ATP8B4: variants seen among roughly 807,000 people sequenced by gnomAD.
ATP8B4 encodes ATPase phospholipid transporting 8B4 (putative), also known as probable phospholipid-transporting ATPase IM.
ATP8B4 carries 133 observed loss-of-function variants against 145.6 expected under a neutral mutation model. That is an observed-to-expected ratio of 0.91 (90% CI 0.79 to 1.05). ATP8B4 has a LOEUF of 1.05. ATP8B4 is among the 50% of genes least tolerant of loss of function. ATP8B4 has a pLI of 0.00. For synonymous variants in ATP8B4, 507 were observed against 492.9 expected (o/e 1.03, Z -0.38); for missense variants, 1,458 against 1,425.2 (o/e 1.02, Z -0.37).
chr15:50,090,880 A>C (rs918965267), intron 2 of ATP8B4, among the ~76,000 whole-genome samples: 16 of 152,060 alleles, frequency 1.1e-4, no homozygotes, highest in African/African-American at 3.9e-4. Context: ...GAGCCACCTC[A>C]CTTGGCCTGA....
rs187849305 is a variant in ATP8B4, at chr15:49,920,034, C to T, written c.1923+212G>A. Among the ~76,000 whole-genome samples, 374 of 152,318 alleles carry T rather than the reference C, an allele frequency of 2.5e-3. 1 individual carries two copies. The highest frequency in any genetic ancestry group is 8.7e-3 in the African/African-American group (361 of 41,576). ...TCTACTCTTGGGAAGCTTCCAATTG[C>T]ATAAGCTACTGCTAATAGAAATACA... On this transcript the variant is annotated intron_variant, in intron 18 of 27. Coordinates refer to ENST00000284509, the MANE Select transcript of ATP8B4 (RefSeq NM_024837.4).
intron 9 of ATP8B4, among the ~76,000 whole-genome samples, chr15:49,988,402 A>G (rs1050013045): frequency 3.9e-5 from 6 of 152,152 alleles, no homozygotes; most frequent in African/African-American, 1.4e-4. Flanking sequence ...AATTTTTTAT[A>G]TATAATGAGT....
intron 1 of ATP8B4, among the ~76,000 whole-genome samples, chr15:50,169,114 A>G (rs2044634374): frequency 6.6e-6 from 1 of 152,120 alleles, no homozygotes; most frequent in Non-Finnish European, 1.5e-5. Flanking sequence ...GTGGAAGAAA[A>G]ACGGCCTATA....
intron 1 of ATP8B4, among the ~76,000 whole-genome samples, chr15:50,112,276 T>A (rs575715283): frequency 6.6e-6 from 1 of 152,190 alleles, no homozygotes; most frequent in South Asian, 2.1e-4. Flanking sequence ...GCAGCCCCCC[T>A]TGCTGGCCCA....
chr15:49,910,753 T>C (rs2039144388), intron 20 of ATP8B4, among the ~76,000 whole-genome samples: 1 of 152,154 alleles, frequency 6.6e-6, no homozygotes, highest in African/African-American at 2.4e-5. Flanking sequence ...AGCAAAGTTA[T>C]CCTTTTTGGA....
chr15:50,047,631 T>G (rs1377405110), intron 3 of ATP8B4, among the ~76,000 whole-genome samples, 167 bp from the exon 4 acceptor site: 2 of 152,022 alleles, frequency 1.3e-5, no homozygotes, highest in African/African-American at 4.8e-5. Context: ...GATGATATGC[T>G]CCTGATACTA....
chr15:50,042,305 A>G (rs891533774), intron 5 of ATP8B4, among the ~76,000 whole-genome samples: 1 of 152,180 alleles, frequency 6.6e-6, no homozygotes, highest in African/African-American at 2.4e-5. Context: ...ATTTGTGTGT[A>G]TGTGTGCTCT....
intron 13 of ATP8B4, among the ~76,000 whole-genome samples, chr15:49,972,052 C>T (rs1289239125): frequency 7.9e-5 from 12 of 152,250 alleles, no homozygotes; most frequent in Admixed American, 3.3e-4. Flanking sequence ...TATTCTCACT[C>T]GTAAGTGGGA....
intron 2 of ATP8B4, among the ~76,000 whole-genome samples, chr15:50,079,629 A>C (rs2054412944): frequency 6.6e-6 from 1 of 152,212 alleles, no homozygotes; most frequent in South Asian, 2.1e-4. Flanking sequence ...AGAACATAAA[A>C]TAAGGTTTTT....
intron 21 of ATP8B4, among the ~76,000 whole-genome samples, chr15:49,899,011 C>T (rs2037733427): frequency 6.6e-6 from 1 of 152,040 alleles, no homozygotes; most frequent in East Asian, 1.9e-4. Flanking sequence ...GAAACAAATC[C>T]ACTTACACTT....
chr15:49,866,464 G>A lies in ATP8B4; in HGVS notation c.3048C>T (p.Tyr1016=). The A allele has an allele frequency of 6.8e-6, 11 of 1,613,766 alleles. No individual in the cohort carries two copies. Among genetic ancestry groups the A allele is most frequent in the Non-Finnish European group, 8.5e-6 (10 of 1,179,662 alleles). ...VSVQIALDTS[Y]WTFINHVFIW... ...TGAAGACGTGATTAATGAAAGTCCA[G>A]TAACTGGTATCCAAGGCTATCTGTA... Residue 1016 remains tyrosine (Y), a synonymous_variant, in exon 26 of 28, where the codon TAC becomes TAT. Transcript: ENST00000284509.
intron 26 of ATP8B4, 82 bp from the exon 27 acceptor site, chr15:49,862,457 A>T: frequency 6.9e-7 from 1 of 1,445,204 alleles, no homozygotes; most frequent in Non-Finnish European, 9.3e-7. Context: ...TTCCTACAAG[A>T]TCTTTTTTTT....
At chr15:50,031,967 G>T (rs904085060) in intron 6 of ATP8B4, among the ~76,000 whole-genome samples, 1 of 152,114 alleles carries the variant, frequency 6.6e-6, no homozygotes, top group Non-Finnish European at 1.5e-5. Context: ...TATTCAAATT[G>T]TTTTAAATTG....
intron 6 of ATP8B4, among the ~76,000 whole-genome samples, chr15:50,029,010 G>A (rs1055493324): frequency 4.0e-5 from 6 of 151,898 alleles, no homozygotes; most frequent in Admixed American, 6.5e-5. Flanking sequence ...CGAGGCAGGC[G>A]GATCATGAGG....
At chr15:49,978,785 C>CACACACACACAT (rs779898469) in intron 12 of ATP8B4, among the ~76,000 whole-genome samples, 1 of 131,268 alleles carries the variant, frequency 7.6e-6, no homozygotes, top group Non-Finnish European at 1.6e-5. Flanking sequence ...CACACACACA[C>CACACACACACAT]ATGCATACAT....
chr15:50,114,844 G>T (rs1321347932), intron 1 of ATP8B4, among the ~76,000 whole-genome samples: 1 of 152,050 alleles, frequency 6.6e-6, no homozygotes, highest in Non-Finnish European at 1.5e-5. Flanking sequence ...CTCTCCACAT[G>T]GAAAAAACCT....
At chr15:49,979,902 A>G in intron 11 of ATP8B4, 89 bp from the exon 12 acceptor site, 1 of 920,184 alleles carries the variant, frequency 1.1e-6, no homozygotes, top group Non-Finnish European at 1.6e-6. Context: ...AACTCCAAGA[A>G]ATAGTCATTT....
chr15:50,008,859 A>G (rs1211731002), intron 7 of ATP8B4, among the ~76,000 whole-genome samples: 1 of 152,172 alleles, frequency 6.6e-6, no homozygotes, highest in Non-Finnish European at 1.5e-5. Context: ...GGGGCTCCTA[A>G]CACTCATTGT....
At chr15:50,003,376 A>C (rs2048059345) in intron 7 of ATP8B4, among the ~76,000 whole-genome samples, 1 of 151,716 alleles carries the variant, frequency 6.6e-6, no homozygotes, top group African/African-American at 2.4e-5. Flanking sequence ...CCCTAAAAGA[A>C]TAAGTGGGTT....
Sources: gnomAD v4.1 joint callset for allele counts (sites outside exome capture counted in the v4.1 genomes callset) on GRCh38, gnomAD v4.1.1 for gene constraint, MANE v1.5 for transcripts, NCBI Gene and HGNC (gene_info 2026-07-23, HGNC 2026-07-21) for gene names.